The following HS2ST1 variants were observed in gnomAD, a reference collection of about 807,000 sequenced individuals.
The protein encoded by HS2ST1 is heparan sulfate 2-O-sulfotransferase 1.
A neutral mutation model predicts 42.9 loss-of-function variants in HS2ST1; 18 were observed. The observed-to-expected ratio is 0.42, with a 90% CI of 0.29 to 0.62. The LOEUF is 0.62. Ranked by LOEUF, HS2ST1 falls within the 20% of genes least tolerant of loss-of-function variation. The pLI is 0.21. For missense variants in HS2ST1, 334 were observed against 433.8 expected, an observed-to-expected ratio of 0.77 and a Z score of 2.04; for synonymous variants, 146 against 152.9, an observed-to-expected ratio of 0.95 and a Z score of 0.33.
chr1:87,104,375 T>C, intron 6 of HS2ST1, 95 bp from the exon 7 acceptor site: 1 of 769,832 alleles, frequency 1.3e-6, no homozygotes, highest in Non-Finnish European at 2.2e-6. Flanking sequence ...TCTTAATGTG[T>C]CATATTAACC....
At chr1:87,036,423 G>A (rs1650377891) in intron 1 of HS2ST1, among the ~76,000 whole-genome samples, 2 of 152,150 alleles carry the variant, frequency 1.3e-5, no homozygotes, top group Non-Finnish European at 2.9e-5. Context: ...TAATTGGGAA[G>A]ATAAGAAATA....
chr1:86,999,329 C>T (rs1039417063), intron 1 of HS2ST1, among the ~76,000 whole-genome samples: 1 of 152,072 alleles, frequency 6.6e-6, no homozygotes, highest in African/African-American at 2.4e-5. Context: ...CAGGCATGCA[C>T]CGCCATGCCC....
intron 1 of HS2ST1, among the ~76,000 whole-genome samples, chr1:87,002,987 A>G (rs1018780468): frequency 2.6e-5 from 4 of 152,272 alleles, no homozygotes; most frequent in East Asian, 3.8e-4. Flanking sequence ...TCTCGAAGCA[A>G]TAGGTGCAGA....
intron 1 of HS2ST1, among the ~76,000 whole-genome samples, chr1:86,963,135 A>G (rs1188928354): frequency 1.3e-5 from 2 of 152,236 alleles, no homozygotes; most frequent in African/African-American, 4.8e-5. Flanking sequence ...AGGTACAGAA[A>G]AATTGTGTTT....
At chr1:87,063,602 T>C (rs1387237294) in intron 1 of HS2ST1, among the ~76,000 whole-genome samples, 1 of 152,218 alleles carries the variant, frequency 6.6e-6, no homozygotes, top group Non-Finnish European at 1.5e-5. Flanking sequence ...CCCTAAATGC[T>C]GGGATTACAA....
At chr1:86,995,304 C>T (rs908803050) in intron 1 of HS2ST1, among the ~76,000 whole-genome samples, 1 of 151,970 alleles carries the variant, frequency 6.6e-6, no homozygotes, top group African/African-American at 2.4e-5. Context: ...AAATGGTTAC[C>T]CATATTGCAT....
At chr1:87,080,850 C>T (rs921683685) in intron 2 of HS2ST1, among the ~76,000 whole-genome samples, 10 of 152,160 alleles carry the variant, frequency 6.6e-5, no homozygotes, top group African/African-American at 1.2e-4. Flanking sequence ...GGGCAGAGCT[C>T]AGCTGGTGCC....
intron 1 of HS2ST1, among the ~76,000 whole-genome samples, chr1:87,030,456 C>A (rs1309671796): frequency 6.6e-6 from 1 of 152,014 alleles, no homozygotes; most frequent in African/African-American, 2.4e-5. Flanking sequence ...TATGATCATG[C>A]CTCTGCACTC....
At chr1:86,935,673 A>T (rs1660632162) in intron 1 of HS2ST1, among the ~76,000 whole-genome samples, 1 of 151,744 alleles carries the variant, frequency 6.6e-6, no homozygotes, top group Non-Finnish European at 1.5e-5. Flanking sequence ...CGTGTTGACC[A>T]GGCTAGTCTC....
chr1:86,990,978 C>G (rs1648935987), intron 1 of HS2ST1, among the ~76,000 whole-genome samples: 1 of 150,030 alleles, frequency 6.7e-6, no homozygotes, highest in South Asian at 2.1e-4. Context: ...CCAGCTGGAC[C>G]CTGTCCAGTT....
intron 5 of HS2ST1, among the ~76,000 whole-genome samples, chr1:87,101,147 G>GTTTTTTTTTTTTT (rs1557546414): frequency 1.3e-5 from 1 of 75,892 alleles, no homozygotes; most frequent in Non-Finnish European, 2.5e-5. Flanking sequence ...GTGTGTGTGT[G>GTTTTTTTTTTTTT]TGTTTTTTGT....
chr1:86,914,957 C>T lies in HS2ST1; in HGVS notation c.-80C>T. ...TTTGCCTCGCTCCCGGCTCGGCGGG[C>T]TCCTCCCGGCGTCTCTCTCGCCTCC... On this transcript the variant is annotated 5_prime_UTR_variant, in exon 1 of 7. Coordinates refer to ENST00000370550, the MANE Select transcript of HS2ST1 (RefSeq NM_012262.4). 1.3e-6 allele frequency: 2 copies of T among 1,557,282 alleles called. No individual in the cohort carries two copies. Among genetic ancestry groups the T allele is most frequent in the Non-Finnish European group, 1.7e-6 (2 of 1,146,888 alleles).
At chr1:87,069,634 A>T (rs1357999197) in intron 1 of HS2ST1, among the ~76,000 whole-genome samples, 1 of 152,158 alleles carries the variant, frequency 6.6e-6, no homozygotes. Context: ...TTATCTTTTT[A>T]TGTAGTTTTA....
chr1:86,950,880 G>A (rs1445790879), intron 1 of HS2ST1, among the ~76,000 whole-genome samples: 1 of 152,076 alleles, frequency 6.6e-6, no homozygotes, highest in Non-Finnish European at 1.5e-5. Flanking sequence ...TGTCTGCTTA[G>A]CAGACAGTTC....
intron 1 of HS2ST1, among the ~76,000 whole-genome samples, chr1:86,943,754 G>A (rs892248865): frequency 6.6e-6 from 1 of 151,612 alleles, no homozygotes; most frequent in African/African-American, 2.4e-5. Context: ...GGCCAGGCAG[G>A]GTAGCTCACA....
chr1:86,956,483 A>G (rs1647681389), intron 1 of HS2ST1: 1 of 152,246 alleles, frequency 6.6e-6, no homozygotes, highest in African/African-American at 2.4e-5. Flanking sequence ...CCACTTGGTC[A>G]CTATGGCTGT....
chr1:86,919,119 AT>A (rs1244428699), intron 1 of HS2ST1, among the ~76,000 whole-genome samples: 1 of 151,652 alleles, frequency 6.6e-6, no homozygotes, highest in East Asian at 1.9e-4. Flanking sequence ...TAATTTTTGT[AT>A]TTTTAGTAGA....
intron 1 of HS2ST1, among the ~76,000 whole-genome samples, chr1:86,941,001 C>T (rs1660748524): frequency 6.6e-6 from 1 of 151,952 alleles, no homozygotes; most frequent in African/African-American, 2.4e-5. Context: ...AAAGAAAAAA[C>T]ACATTGGGAA....
At chr1:87,045,820 A>C (rs1346469023) in intron 1 of HS2ST1, 1 of 775,598 alleles carries the variant, frequency 1.3e-6, no homozygotes, top group East Asian at 2.7e-5. Context: ...TCCTTATCCC[A>C]TGTGAGCTCA....
Sources: gnomAD v4.1 joint callset for allele counts (sites outside exome capture counted in the v4.1 genomes callset) on GRCh38, gnomAD v4.1.1 for gene constraint, MANE v1.5 for transcripts, NCBI Gene and HGNC (gene_info 2026-07-23, HGNC 2026-07-21) for gene names.